Variants in QSOX1 observed in about 807,000 individuals in gnomAD.
QSOX1 encodes the protein quiescin sulfhydryl oxidase 1, also known as sulfhydryl oxidase 1.
A neutral mutation model predicts 76.1 loss-of-function variants in QSOX1; 40 were observed. The observed-to-expected ratio is 0.53, with a 90% confidence interval of 0.41 to 0.68. QSOX1 has a LOEUF of 0.68. QSOX1 is among the 30% of genes least tolerant of loss of function. QSOX1 has a pLI of 0.00. For synonymous variants in QSOX1, 392 were observed against 413.1 expected (o/e 0.95, Z 0.62); for missense variants, 931 against 974.3 (o/e 0.96, Z 0.59).
At chr1:180,160,927 G>A (rs11579970) in intron 1 of QSOX1, among the ~76,000 whole-genome samples, 16,509 of 152,232 alleles carry the variant, frequency 0.11, 1,211 homozygotes, top group Middle Eastern at 0.2. Context: ...GAAACTGGAA[G>A]AATTCAGAAT....
chr1:180,158,270 G>T (rs1010864837), intron 1 of QSOX1, among the ~76,000 whole-genome samples: 8 of 152,228 alleles, frequency 5.3e-5, no homozygotes, highest in Non-Finnish European at 1.0e-4. Flanking sequence ...CTATGGAGGT[G>T]AGGTTCGTAA....
chr1:180,175,029 C>T (rs1183311086), intron 2 of QSOX1, among the ~76,000 whole-genome samples: 2 of 151,846 alleles, frequency 1.3e-5, no homozygotes, highest in African/African-American at 2.4e-5. Context: ...TGGTGGTGGG[C>T]GCCTGTAGTC....
In QSOX1 at chr1:180,197,104, T is replaced by TGC; in HGVS notation, c.*67_*68insGC. 1.3e-6 allele frequency: 2 copies of TGC among 1,484,702 alleles called. No individual in the cohort carries two copies. The highest frequency in any genetic ancestry group is 9.0e-7 in the Non-Finnish European group (1 of 1,108,662). 92.0% of individuals were successfully genotyped at this position (1,484,702 alleles called of 1,614,324 possible). A position where few individuals can be genotyped will look rare whatever the true frequency, so the allele number is the denominator to read the frequency against. On this transcript the variant is annotated 3_prime_UTR_variant, in exon 12 of 12. Transcript: ENST00000367602. ...GGCACCTCAAGCCCCCTGACCCCAT[T>TGC]CCCTCCCCTCCCACCCCTTGCTCCT...
At chr1:180,155,696 C>T (rs1228920338) in intron 1 of QSOX1, among the ~76,000 whole-genome samples, 2 of 152,368 alleles carry the variant, frequency 1.3e-5, no homozygotes, top group South Asian at 2.1e-4. Flanking sequence ...CCAGGTGGTA[C>T]ATAGACTTCC....
rs541381267 is a variant in QSOX1, at chr1:180,202,492, G to T, written c.*5455G>T. The stretch of plus-strand genomic sequence containing the variant: ...TTTTTACCTAGTTTGAATCTGCTCT[G>T]CAATGTCCCCATCAAGTTCTTAACC... On this transcript the variant is annotated 3_prime_UTR_variant, in exon 12 of 12. Transcript: ENST00000367602. 5 of 152,240 alleles carry T rather than the reference G, an allele frequency of 3.3e-5. No homozygotes were observed. Among genetic ancestry groups the T allele is most frequent in the African/African-American group, 9.6e-5 (4 of 41,546 alleles). 9.4% of individuals were successfully genotyped at this position (152,240 alleles called of 1,614,324 possible).
chr1:180,201,740 A>G lies in QSOX1; in HGVS notation c.*4703A>G, dbSNP rs1310646560. 6.6e-6 allele frequency: 1 copy of G among 152,392 alleles called. No homozygotes were observed. The highest frequency in any genetic ancestry group is 2.4e-5 in the African/African-American group (1 of 41,392). The allele number at this position is 152,392 out of a possible 1,614,324, so 9.4% of individuals were successfully genotyped here. A position where few individuals can be genotyped will look rare whatever the true frequency, so the allele number is the denominator to read the frequency against. ...CAAGAGGGTAAGAAGCTGCCCTCTC[A>G]TCCCTTCCTCTCCCACCCTGGGCCT... On this transcript the variant is annotated 3_prime_UTR_variant, in exon 12 of 12. Transcript: ENST00000367602.
Position 180,175,263 on chromosome 1 carries a change from G to A in QSOX1, c.367-58G>A, listed in dbSNP as rs371354830. 1.1e-5 allele frequency: 17 copies of A among 1,537,760 alleles called. No homozygotes were observed. The African/African-American group carries it at 1.4e-4, about 12-fold the overall frequency. ...AGGCAGATTTTCAGAGCAGGCCTGC[G>A]TGGCTGCACTCTTGGCCACTATCTA... On this transcript the variant is annotated intron_variant, in intron 2 of 11. Transcript: ENST00000367602.
intron 4 of QSOX1, among the ~76,000 whole-genome samples, chr1:180,177,366 G>A (rs952051392): frequency 6.6e-6 from 1 of 151,184 alleles, no homozygotes; most frequent in Non-Finnish European, 1.5e-5. Flanking sequence ...CAATTCTGCC[G>A]CCTCAGCCTC....
chr1:180,194,423 C>T, intron 11 of QSOX1, 31 bp downstream of exon 11: 8 of 1,505,388 alleles, frequency 5.3e-6, no homozygotes, highest in Non-Finnish European at 6.2e-6. Flanking sequence ...AGGCTGGAGT[C>T]ACTTGTGGGG....
Position 180,183,965 on chromosome 1 carries a change from G to A in QSOX1, c.802G>A (p.Gly268Arg). 6.2e-7 allele frequency: 1 copy of A among 1,613,614 alleles called. No homozygotes were observed. The highest frequency in any genetic ancestry group is 1.3e-5 in the African/African-American group (1 of 75,010). ...TACCGCTTACCTGCAGAGACTCTCT[G>A]GGCTCACCAGGGAGGCTGCCCAGAC... ...FYTAYLQRLS[G>R]LTREAAQTTV... Residue 268 changes from glycine to arginine, a missense_variant, in exon 7 of 12, where the codon GGG becomes AGG. Gly to Arg is a moderately radical substitution (Grantham distance 125). Transcript: ENST00000367602.
intron 7 of QSOX1, among the ~76,000 whole-genome samples, chr1:180,184,543 G>C (rs1428918707): frequency 2.0e-5 from 3 of 152,190 alleles, no homozygotes; most frequent in Non-Finnish European, 2.9e-5. Flanking sequence ...AATGCCTGTG[G>C]TGTCAGTGAG....
At chr1:180,175,271 A>T in intron 2 of QSOX1, 50 bp from the exon 3 acceptor site, 2 of 1,581,360 alleles carry the variant, frequency 1.3e-6, no homozygotes, top group Non-Finnish European at 1.7e-6. Context: ...GCGTGGCTGC[A>T]CTCTTGGCCA....
chr1:180,162,564 C>T (rs11804326), intron 1 of QSOX1, among the ~76,000 whole-genome samples: 3,882 of 152,098 alleles, frequency 0.026, 153 homozygotes, highest in African/African-American at 0.088. Context: ...AGGAAGACCC[C>T]ATTTCTATAT....
chr1:180,155,053 C>A lies in QSOX1; in HGVS notation c.146C>A (p.Thr49Lys), dbSNP rs1159327330. 5 of 1,513,324 alleles carry A rather than the reference C, an allele frequency of 3.3e-6. No individual in the cohort carries two copies. In the East Asian group the frequency reaches 1.3e-4, roughly 40 times the overall value. 93.7% of individuals were successfully genotyped at this position (1,513,324 alleles called of 1,614,324 possible). The change falls in exon 1 of 12, where the codon ACG (threonine) becomes AAG (lysine). Residue 49 changes from threonine to lysine, a missense_variant. Physicochemically the swap from Thr to Lys is moderately conservative, Grantham distance 78. Transcript: ENST00000367602. The part of the protein sequence containing the change: ...SDPLTLLQAD[T>K]VRGAVLGSRS... Reference sequence around the variant, plus strand: ...CCGCTGACGCTGCTGCAGGCGGACACGGTGCGCGGCGCGGTGCTGGGCTCC... The same window carrying A: ...CCGCTGACGCTGCTGCAGGCGGACAAGGTGCGCGGCGCGGTGCTGGGCTCC...
intron 10 of QSOX1, among the ~76,000 whole-genome samples, chr1:180,193,572 G>C (rs1382228535): frequency 6.6e-6 from 1 of 152,006 alleles, no homozygotes; most frequent in Non-Finnish European, 1.5e-5. Flanking sequence ...GAGGGTGAAG[G>C]GCTTAGGAGG....
At position 180,198,275 on chromosome 1, in the gene QSOX1, CT is replaced by C; in HGVS notation, c.*1239del. The C allele has an allele frequency of 2.2e-6, 1 of 456,666 alleles. No homozygotes were observed. The highest frequency in any genetic ancestry group is 7.0e-5 in the East Asian group (1 of 14,368). The allele number at this position is 456,666 out of a possible 1,614,324, so 28.3% of individuals were successfully genotyped here. A position where few individuals can be genotyped will look rare whatever the true frequency, so the allele number is the denominator to read the frequency against. On this transcript the variant is annotated 3_prime_UTR_variant, in exon 12 of 12. Coordinates refer to ENST00000367602, the MANE Select transcript of QSOX1 (RefSeq NM_002826.5). ...CTGCCCCAATCCTCCCTGAGAGCTC[CT>C]GCCTCAGTGCCCTGGGCTGGTGAGG...
At chr1:180,177,776 C>T (rs988784377) in intron 4 of QSOX1, among the ~76,000 whole-genome samples, 1 of 152,190 alleles carries the variant, frequency 6.6e-6, no homozygotes, top group Non-Finnish European at 1.5e-5. Context: ...TCCACCCCAG[C>T]GGGGTGCACT....
intron 11 of QSOX1, 115 bp downstream of exon 11, chr1:180,194,507 C>A: frequency 9.8e-7 from 1 of 1,018,656 alleles, no homozygotes; most frequent in Non-Finnish European, 1.4e-6. Context: ...CCCTCAGTCA[C>A]AGCCCAGGCC....
At chr1:180,168,743 T>C (rs547970957) in intron 2 of QSOX1, among the ~76,000 whole-genome samples, 5 of 152,184 alleles carry the variant, frequency 3.3e-5, no homozygotes, top group Non-Finnish European at 5.9e-5. Context: ...TTCTAGTGTT[T>C]GGAAAACACT....
Sources: allele counts gnomAD v4.1 joint callset (sites outside exome capture counted in the v4.1 genomes callset), GRCh38; gene constraint gnomAD v4.1.1; transcripts MANE v1.5; gene names NCBI Gene and HGNC (gene_info 2026-07-23, HGNC 2026-07-21).